PDE10A: variants seen among roughly 807,000 people sequenced by gnomAD.
The protein encoded by PDE10A is phosphodiesterase 10A.
In PDE10A, 39 loss-of-function variants were observed where a neutral mutation model predicts 97.7. The observed-to-expected ratio is 0.40, with a 90% CI of 0.31 to 0.52. PDE10A has a LOEUF of 0.52. Ranked by LOEUF, PDE10A falls within the 20% of genes least tolerant of loss-of-function variation. The pLI is 0.56. For missense variants in PDE10A, 731 were observed against 1,047.8 expected (o/e 0.70, Z 4.17); for synonymous variants, 371 against 376.8 (o/e 0.98, Z 0.18).
In PDE10A at chr6:165,514,710, T is replaced by G. The variant is rs572948287; in HGVS notation, c.994+28730A>C. On this transcript the variant is annotated intron_variant, in intron 2 of 21. Transcript: ENST00000539869. ...TATGACTCCAAGTTGAGTGAGTCCCTGCAACTGCAGAAGAGAAGCTGTCAG... is the reference window on the plus strand; with the variant it reads ...TATGACTCCAAGTTGAGTGAGTCCCGGCAACTGCAGAAGAGAAGCTGTCAG... Among the ~76,000 whole-genome samples, 3 of 152,324 alleles carry G rather than the reference T, an allele frequency of 2.0e-5. 1 individual carries two copies. In the South Asian group the frequency reaches 6.2e-4, roughly 32 times the overall value.
chr6:165,842,639 A>C (rs1184084011), intron 1 of PDE10A, among the ~76,000 whole-genome samples: 2 of 152,184 alleles, frequency 1.3e-5, no homozygotes, highest in African/African-American at 2.4e-5. Flanking sequence ...GCTGCAATAC[A>C]TCAGCGTTTA....
At position 165,341,130 on chromosome 6, in the gene PDE10A, G is replaced by A. The variant is rs116657021; in HGVS notation, c.2896-1772C>T. ...AGAGGGGAAAGATTGTGAGGATGGA[G>A]AGAAGAGACAGGACTTTATAGATAC... On this transcript the variant is annotated intron_variant, in intron 19 of 21. Transcript: ENST00000539869. Among the ~76,000 whole-genome samples, 623 of 152,296 alleles carry A rather than the reference G, an allele frequency of 4.1e-3. 5 individuals carry two copies. Among genetic ancestry groups the A allele is most frequent in the African/African-American group, 0.014 (578 of 41,572 alleles).
chr6:165,958,581 GACA>G (rs1333489433), intron 1 of PDE10A, among the ~76,000 whole-genome samples: 3 of 23,814 alleles, frequency 1.3e-4, no homozygotes, highest in African/African-American at 2.9e-4. Flanking sequence ...CAGAAAGAAA[GACA>G]GAAAGAGAGA....
intron 1 of PDE10A, among the ~76,000 whole-genome samples, chr6:165,681,297 T>A (rs1790971038): frequency 6.6e-6 from 1 of 152,230 alleles, no homozygotes; most frequent in African/African-American, 2.4e-5. Context: ...TAATACTTAG[T>A]TTCGTATGGC....
chr6:165,540,998 G>T (rs767075538), intron 2 of PDE10A, among the ~76,000 whole-genome samples: 11 of 152,134 alleles, frequency 7.2e-5, no homozygotes, highest in Non-Finnish European at 1.2e-4. Context: ...GAGGAAGCCT[G>T]GTTTTTATAT....
chr6:165,445,237 T>C (rs1236953481), intron 5 of PDE10A, among the ~76,000 whole-genome samples: 1 of 152,216 alleles, frequency 6.6e-6, no homozygotes, highest in Non-Finnish European at 1.5e-5. Flanking sequence ...CTGACACTTT[T>C]GAAAAAACAA....
intron 1 of PDE10A, among the ~76,000 whole-genome samples, chr6:165,834,867 A>G (rs1780026397): frequency 6.6e-6 from 1 of 152,206 alleles, no homozygotes; most frequent in Admixed American, 6.5e-5. Context: ...ACAAACTCCT[A>G]CGGCAGAGCT....
At chr6:165,365,925 T>C (rs16897776) in intron 18 of PDE10A, among the ~76,000 whole-genome samples, 12,324 of 152,140 alleles carry the variant, frequency 0.081, 561 homozygotes, top group Middle Eastern at 0.2. Flanking sequence ...ATAGATTACA[T>C]GCAAATATGC....
intron 2 of PDE10A, among the ~76,000 whole-genome samples, chr6:165,542,050 T>C (rs1044898403): frequency 1.2e-4 from 18 of 152,196 alleles, no homozygotes; most frequent in African/African-American, 4.3e-4. Flanking sequence ...CTATTAGACA[T>C]TTTAGAACTT....
At chr6:165,700,934 A>G (rs1791555820) in intron 1 of PDE10A, among the ~76,000 whole-genome samples, 1 of 152,174 alleles carries the variant, frequency 6.6e-6, no homozygotes, top group African/African-American at 2.4e-5. Context: ...GTGGTTGGGA[A>G]ATTGTTGCAT....
At chr6:165,829,876 G>A (rs1440470734) in intron 1 of PDE10A, among the ~76,000 whole-genome samples, 1 of 152,036 alleles carries the variant, frequency 6.6e-6, no homozygotes, top group African/African-American at 2.4e-5. Context: ...CTAACACCAG[G>A]GCTGCCAGGG....
At chr6:165,509,887 T>C (rs920253641) in intron 2 of PDE10A, among the ~76,000 whole-genome samples, 3 of 152,072 alleles carry the variant, frequency 2.0e-5, no homozygotes, top group Non-Finnish European at 2.9e-5. Context: ...AGCTATTTCA[T>C]TATTGGTGTA....
At chr6:165,652,865 T>A (rs2128426246) in intron 1 of PDE10A, among the ~76,000 whole-genome samples, 1 of 152,322 alleles carries the variant, frequency 6.6e-6, no homozygotes, top group South Asian at 2.1e-4. Context: ...AAGCTTTTTA[T>A]CACTGCCCCA....
At chr6:165,796,373 A>G (rs779663577) in intron 1 of PDE10A, among the ~76,000 whole-genome samples, 25 of 152,244 alleles carry the variant, frequency 1.6e-4, no homozygotes, top group Non-Finnish European at 3.7e-4. Context: ...GGCGTGAGCC[A>G]CCGCACCTGG....
Position 165,626,515 on chromosome 6 carries a change from G to A in PDE10A, c.865+35432C>T, listed in dbSNP as rs1437286096. ...GACTTTCAATAACCTAACAAAGAGAGAAGATGTTTGGAATATACAATTTTT... is the reference window on the plus strand; with the variant it reads ...GACTTTCAATAACCTAACAAAGAGAAAAGATGTTTGGAATATACAATTTTT... On this transcript the variant is annotated intron_variant, in intron 1 of 21. Transcript: ENST00000539869. 7.9e-5 allele frequency among the ~76,000 whole-genome samples: 12 copies of A among 152,312 alleles called. No individual in the cohort carries two copies. The East Asian group carries it at 2.3e-3, about 29-fold the overall frequency.
chr6:165,341,513 T>G (rs909929841), intron 19 of PDE10A, among the ~76,000 whole-genome samples: 2 of 152,206 alleles, frequency 1.3e-5, no homozygotes, highest in African/African-American at 4.8e-5. Flanking sequence ...TAAAAAGATA[T>G]TTCACAAACA....
At chr6:165,762,966 C>T (rs867252089) in intron 1 of PDE10A, among the ~76,000 whole-genome samples, 9 of 152,108 alleles carry the variant, frequency 5.9e-5, no homozygotes, top group Admixed American at 1.3e-4. Flanking sequence ...TCTTACTTAA[C>T]AACTTTCAAA....
At chr6:165,581,345 G>A (rs1304876539) in intron 1 of PDE10A, among the ~76,000 whole-genome samples, 8 of 152,186 alleles carry the variant, frequency 5.3e-5, no homozygotes, top group East Asian at 3.9e-4. Context: ...GAGGTAATTA[G>A]GTCATGAGAG....
intron 1 of PDE10A, among the ~76,000 whole-genome samples, chr6:165,913,888 C>T (rs761681903): frequency 7.9e-5 from 12 of 152,206 alleles, no homozygotes; most frequent in Non-Finnish European, 1.5e-4. Context: ...CTTGCAGTTT[C>T]GCAAAGAGAT....
Sources: gnomAD v4.1 joint callset for allele counts (sites outside exome capture counted in the v4.1 genomes callset) on GRCh38, gnomAD v4.1.1 for gene constraint, MANE v1.5 for transcripts, NCBI Gene and HGNC (gene_info 2026-07-23, HGNC 2026-07-21) for gene names.